The following SFXN5 variants were observed in gnomAD, a reference collection of about 807,000 sequenced individuals.
SFXN5 encodes sideroflexin 5.
A neutral mutation model predicts 50.2 loss-of-function variants in SFXN5; 43 were observed. The ratio of observed to expected loss-of-function variants is 0.86; its 90% CI spans 0.67 to 1.11. The LOEUF is 1.11. SFXN5 is among the 50% of genes least tolerant of loss of function. SFXN5 has a pLI of 0.00. For synonymous variants in SFXN5, 203 were observed against 185.8 expected (o/e 1.09, Z -0.75); for missense variants, 463 against 454.1 (o/e 1.02, Z -0.18).
chr2:72,999,053 C>G, intron 8 of SFXN5, 39 bp from the exon 9 acceptor site: 1 of 1,601,918 alleles, frequency 6.2e-7, no homozygotes, highest in African/African-American at 1.3e-5. Flanking sequence ...TGCTGGGTGC[C>G]CAAAGCTCCC....
chr2:73,040,270 A>G (rs1176620738), intron 3 of SFXN5, among the ~76,000 whole-genome samples: 1 of 152,090 alleles, frequency 6.6e-6, no homozygotes, highest in African/African-American at 2.4e-5. Context: ...ATTAACTACT[A>G]CCTTCCCTTA....
chr2:73,022,674 G>C (rs1677054453), intron 4 of SFXN5, 98 bp from the exon 5 acceptor site: 3 of 756,202 alleles, frequency 4.0e-6, no homozygotes, highest in East Asian at 2.7e-5. Context: ...GAGGCATTAG[G>C]GGAGGAAGAA....
rs536021858 is a variant in SFXN5, at chr2:72,942,111, G to GT, written c.*2910dup. On this transcript the variant is annotated 3_prime_UTR_variant, in exon 14 of 14. Coordinates refer to ENST00000272433, the MANE Select transcript of SFXN5 (RefSeq NM_144579.3). ...CACATAGATTGAGAAATTTTCTGAG[G>GT]TTAAAAAGACGCTGCAAAGGCCCCT... 1.2e-4 allele frequency: 18 copies of GT among 152,304 alleles called. No homozygotes were observed. The East Asian group carries it at 3.5e-3, about 29-fold the overall frequency. The allele number at this position is 152,304 out of a possible 1,614,324, so 9.4% of individuals were successfully genotyped here.
Position 72,953,286 on chromosome 2 carries a change from C to T in SFXN5, c.945+7845G>A, listed in dbSNP as rs111481008. ...AGCAGATTTCTGACGGCAAAAATAG[C>T]CCACTTTAGAGTTCAGTAGGGACTG... On this transcript the variant is annotated intron_variant, in intron 13 of 13. Coordinates refer to ENST00000272433, the MANE Select transcript of SFXN5 (RefSeq NM_144579.3). This position sits in a 1 kb window ranked among gnomAD's most constrained non-coding sequence, Gnocchi z 4.1. 6.6e-6 allele frequency among the ~76,000 whole-genome samples: 1 copy of T among 152,060 alleles called. No homozygotes were observed. Among genetic ancestry groups the T allele is most frequent in the Non-Finnish European group, 1.5e-5 (1 of 68,024 alleles).
rs1673655285 is a variant in SFXN5, at chr2:72,960,967, C to T, written c.945+164G>A. Among the ~76,000 whole-genome samples, 1 of 152,240 alleles carries T rather than the reference C, an allele frequency of 6.6e-6. No individual in the cohort carries two copies. The highest frequency in any genetic ancestry group is 6.5e-5 in the Admixed American group (1 of 15,292). The stretch of plus-strand genomic sequence containing the variant: ...CTCTGTTTAATCACCCTGTTGACTG[C>T]GTGACCCTCACTCTGAGGGCCAGAG... On this transcript the variant is annotated intron_variant, in intron 13 of 13. Transcript: ENST00000272433. The surrounding 1 kb of genome is among the most constrained non-coding windows in gnomAD (Gnocchi z 6.1).
intron 3 of SFXN5, among the ~76,000 whole-genome samples, chr2:73,032,549 C>T (rs1210644122): frequency 2.0e-5 from 3 of 152,216 alleles, no homozygotes; most frequent in Non-Finnish European, 2.9e-5. Flanking sequence ...ACCTGAAGTT[C>T]GGTGTAGAGT....
intron 2 of SFXN5, among the ~76,000 whole-genome samples, chr2:73,043,377 C>T (rs898137190): frequency 1.3e-5 from 2 of 152,218 alleles, no homozygotes; most frequent in Non-Finnish European, 2.9e-5. Flanking sequence ...AATGAACAGC[C>T]ACCTCCTGTA....
At chr2:73,043,709 C>G (rs1260207772) in intron 2 of SFXN5, among the ~76,000 whole-genome samples, 3 of 152,012 alleles carry the variant, frequency 2.0e-5, no homozygotes, top group Non-Finnish European at 4.4e-5. Flanking sequence ...TTATTTTTTC[C>G]CCATTGTACA....
Position 73,007,687 on chromosome 2 carries a change from G to A in SFXN5, c.358-6109C>T, listed in dbSNP as rs145081789. On this transcript the variant is annotated intron_variant, in intron 6 of 13. Coordinates refer to ENST00000272433, the MANE Select transcript of SFXN5 (RefSeq NM_144579.3). ...GTGTCTTTACATCTCATCCCCTTCC[G>A]CCACACTGACTCGCTCAACTCCAAA... 4.5e-3 allele frequency among the ~76,000 whole-genome samples: 688 copies of A among 152,040 alleles called. 8 individuals are homozygous for A. Among genetic ancestry groups the A allele is most frequent in the African/African-American group, 0.015 (616 of 41,452 alleles).
chr2:73,008,629 G>T (rs1675073927), intron 6 of SFXN5, among the ~76,000 whole-genome samples: 1 of 152,218 alleles, frequency 6.6e-6, no homozygotes, highest in Non-Finnish European at 1.5e-5. Context: ...GGAAACCTGG[G>T]AAGGGAGAGG....
chr2:73,018,071 T>C (rs1175744384), intron 6 of SFXN5, among the ~76,000 whole-genome samples: 1 of 151,980 alleles, frequency 6.6e-6, no homozygotes, highest in Non-Finnish European at 1.5e-5. Flanking sequence ...AGCTGGGCAT[T>C]GTGGCACATG....
At chr2:73,028,451 T>C (rs1487862782) in intron 3 of SFXN5, among the ~76,000 whole-genome samples, 1 of 152,136 alleles carries the variant, frequency 6.6e-6, no homozygotes, top group Non-Finnish European at 1.5e-5. Context: ...TCCCCATGCA[T>C]CAAGTTGTGA....
chr2:73,060,703 CTTT>C (rs61079585), intron 1 of SFXN5, among the ~76,000 whole-genome samples: 9 of 139,834 alleles, frequency 6.4e-5, no homozygotes, highest in Admixed American at 1.4e-4. Flanking sequence ...TGTCCTTGTT[CTTT>C]TTTTTTTTTT....
chr2:72,963,282 CAAGTG>C (rs1334224800), intron 12 of SFXN5, among the ~76,000 whole-genome samples: 20 of 152,206 alleles, frequency 1.3e-4, no homozygotes, highest in Admixed American at 2.6e-4. Flanking sequence ...CTACCCCCGG[CAAGTG>C]AAGAGCAGGC....
At chr2:73,048,708 G>C (rs548505246) in intron 2 of SFXN5, among the ~76,000 whole-genome samples, 34 of 152,344 alleles carry the variant, frequency 2.2e-4, no homozygotes, top group South Asian at 1.0e-3. Flanking sequence ...GGGATGCTAA[G>C]TTTGGTCATC....
chr2:72,955,771 T>G (rs1343053429), intron 13 of SFXN5, among the ~76,000 whole-genome samples: 1 of 152,188 alleles, frequency 6.6e-6, no homozygotes, highest in African/African-American at 2.4e-5. Context: ...CCAGTGTATG[T>G]CTGTGTTGCA....
intron 3 of SFXN5, among the ~76,000 whole-genome samples, chr2:73,030,492 C>T (rs1246055263): frequency 6.6e-6 from 1 of 152,260 alleles, no homozygotes; most frequent in Non-Finnish European, 1.5e-5. Context: ...CATGAGCCAC[C>T]GTGCCCAGCC....
chr2:73,011,946 C>A (rs2105774335), intron 6 of SFXN5, among the ~76,000 whole-genome samples: 1 of 152,286 alleles, frequency 6.6e-6, no homozygotes, highest in East Asian at 1.9e-4. Flanking sequence ...ACAGCACAAT[C>A]GTTTCTAATA....
intron 13 of SFXN5, among the ~76,000 whole-genome samples, chr2:72,957,516 C>T (rs1011121832): frequency 6.6e-6 from 1 of 152,246 alleles, no homozygotes; most frequent in Non-Finnish European, 1.5e-5. Context: ...GGAACTAGTT[C>T]CTAAATTCTA....
Sources: gnomAD v4.1 joint callset for allele counts (sites outside exome capture counted in the v4.1 genomes callset) on GRCh38, gnomAD v4.1.1 for gene constraint, Gnocchi (gnomAD v3.1) non-coding constraint, MANE v1.5 for transcripts, NCBI Gene and HGNC (gene_info 2026-07-23, HGNC 2026-07-21) for gene names.